Variants in KCNIP1 observed in about 807,000 individuals in gnomAD.
KCNIP1 encodes the protein A-type potassium channel modulatory protein KCNIP1.
KCNIP1 carries 18 observed loss-of-function variants against 33.0 expected under a neutral mutation model. The ratio of observed to expected loss-of-function variants is 0.55; its 90% CI spans 0.38 to 0.81. KCNIP1 has a LOEUF of 0.81. Ranked by LOEUF, KCNIP1 falls within the 30% of genes least tolerant of loss-of-function variation. The probability of loss-of-function intolerance (pLI) is 0.00; values close to 1 mark genes in which losing one functional copy is unlikely to be tolerated. For missense variants in KCNIP1, 238 were observed against 271.6 expected (o/e 0.88, Z 0.87); for synonymous variants, 93 against 98.3 (o/e 0.95, Z 0.32).
intron 1 of KCNIP1, among the ~76,000 whole-genome samples, chr5:170,439,453 T>C (rs1292299965): frequency 6.7e-6 from 1 of 150,360 alleles, no homozygotes; most frequent in Admixed American, 6.6e-5. Context: ...TCCTGCAATG[T>C]GTCAGGAGAG....
At chr5:170,396,463 T>C (rs890484242) in intron 1 of KCNIP1, among the ~76,000 whole-genome samples, 2 of 152,240 alleles carry the variant, frequency 1.3e-5, no homozygotes, top group Non-Finnish European at 2.9e-5. Flanking sequence ...CATGTGTCCA[T>C]GGTGGTTGAA....
At position 170,712,833 on chromosome 5, in the gene KCNIP1, T is replaced by C. The variant is rs1190127079; in HGVS notation, c.62-5925T>C. The C allele has an allele frequency of 3.1e-6, 5 of 1,613,182 alleles. No homozygotes were observed. The African/African-American group carries it at 4.0e-5, about 13-fold the overall frequency. ...TTTTCGATGAATCGATTTGGTAAAA[T>C]GTTTTCTCACTCTTTCCTAGACATC... is the stretch of plus-strand genomic sequence containing the variant. On this transcript the variant is annotated intron_variant, in intron 1 of 7. Coordinates refer to ENST00000328939, the MANE Select transcript of KCNIP1 (RefSeq NM_014592.4).
At chr5:170,474,180 G>C (rs1386269008) in intron 1 of KCNIP1, among the ~76,000 whole-genome samples, 1 of 152,206 alleles carries the variant, frequency 6.6e-6, no homozygotes, top group African/African-American at 2.4e-5. Context: ...GGGCTGCTCA[G>C]AGACAGCTTC....
intron 1 of KCNIP1, among the ~76,000 whole-genome samples, chr5:170,430,552 G>A (rs976063287): frequency 2.0e-5 from 3 of 152,140 alleles, no homozygotes; most frequent in African/African-American, 7.2e-5. Context: ...TATCATACCC[G>A]GTATGGCTAG....
chr5:170,522,959 T>C (rs1387979451), intron 1 of KCNIP1, among the ~76,000 whole-genome samples: 3 of 152,208 alleles, frequency 2.0e-5, no homozygotes, highest in Non-Finnish European at 4.4e-5. Flanking sequence ...GAAATGAGTC[T>C]GACACTCGCC....
rs560467207 is a variant in KCNIP1 at position 170,617,113 on chromosome 5, T to C, written c.62-101645T>C. On this transcript the variant is annotated intron_variant, in intron 1 of 7. Coordinates refer to ENST00000328939, the MANE Select transcript of KCNIP1 (RefSeq NM_014592.4). The stretch of plus-strand genomic sequence containing the variant: ...TGGTACCTAGTGAATGTGTAACAAA[T>C]ATTTTCTCTGAGCTAAAATAGGAAC... Among the ~76,000 whole-genome samples, 6 of 117,654 alleles carry C rather than the reference T, an allele frequency of 5.1e-5. No homozygotes were observed. The South Asian group carries it at 1.6e-3, about 31-fold the overall frequency. The allele number at this position is 117,654 out of a possible 152,430, so 77.2% of individuals were successfully genotyped here.
chr5:170,477,706 T>G (rs1462194943), intron 1 of KCNIP1, among the ~76,000 whole-genome samples: 2 of 152,144 alleles, frequency 1.3e-5, no homozygotes, highest in Admixed American at 1.3e-4. Context: ...CCTCCCAAAG[T>G]GCTGGGATTA....
intron 1 of KCNIP1, among the ~76,000 whole-genome samples, chr5:170,604,802 AAGACAG>A (rs1487617627): frequency 6.6e-6 from 1 of 152,200 alleles, no homozygotes; most frequent in African/African-American, 2.4e-5. Context: ...AACTGCACCC[AAGACAG>A]GTTCAGCCCC....
At chr5:170,508,397 A>C (rs766161797) in intron 1 of KCNIP1, among the ~76,000 whole-genome samples, 1 of 152,192 alleles carries the variant, frequency 6.6e-6, no homozygotes, top group Non-Finnish European at 1.5e-5. Flanking sequence ...ATCAATGAGC[A>C]CCTCAGGGAA....
chr5:170,614,874 C>G (rs1759305692), intron 1 of KCNIP1, among the ~76,000 whole-genome samples: 1 of 152,172 alleles, frequency 6.6e-6, no homozygotes, highest in South Asian at 2.1e-4. Context: ...GTTTACACCC[C>G]CTCTCAGTGC....
At chr5:170,502,953 G>T (rs1029284159), upstream of KCNIP1, among the ~76,000 whole-genome samples, 2 of 152,278 alleles carry the variant, frequency 1.3e-5, no homozygotes, top group Admixed American at 1.3e-4. Flanking sequence ...TGGGTGAGAC[G>T]CCACTCACAG....
chr5:170,658,475 T>C lies in KCNIP1; in HGVS notation c.62-60283T>C, dbSNP rs149132746. ...GGTCCTACCTCGCAATACTGCCACATTGGAGATTGAGTTTCAACATGAGTT... is the reference window on the plus strand; with the variant it reads ...GGTCCTACCTCGCAATACTGCCACACTGGAGATTGAGTTTCAACATGAGTT... On this transcript the variant is annotated intron_variant, in intron 1 of 7. Transcript: ENST00000328939. Among the ~76,000 whole-genome samples, 23 of 152,320 alleles carry C rather than the reference T, an allele frequency of 1.5e-4. No homozygotes were observed. In the East Asian group the frequency reaches 4.2e-3, roughly 28 times the overall value.
At chr5:170,466,965 G>C (rs1020215566) in intron 1 of KCNIP1, among the ~76,000 whole-genome samples, 7 of 152,178 alleles carry the variant, frequency 4.6e-5, no homozygotes, top group Admixed American at 4.6e-4. Flanking sequence ...GGAGTACAAT[G>C]TCTCAAATAA....
At position 170,721,910 on chromosome 5, in the gene KCNIP1, T is replaced by A. The variant is rs1238441014; in HGVS notation, c.327+7T>A. 6.8e-6 allele frequency: 11 copies of A among 1,614,038 alleles called. No individual in the cohort carries two copies. The highest frequency in any genetic ancestry group is 9.3e-6 in the Non-Finnish European group (11 of 1,179,974). ...AGGCTCCGTGAAGTTCGAGGTACGC[T>A]CATCTGGGGTCCACTCTAGGGGTCC... On this transcript the variant is annotated splice_region_variant and intron_variant, in intron 4 of 7. Transcript: ENST00000328939.
intron 1 of KCNIP1, among the ~76,000 whole-genome samples, chr5:170,636,126 G>T (rs374772265): frequency 2.6e-5 from 4 of 152,234 alleles, no homozygotes; most frequent in African/African-American, 9.6e-5. Flanking sequence ...CTGAGAGTTT[G>T]TTGTATTAGA....
intron 1 of KCNIP1, among the ~76,000 whole-genome samples, chr5:170,712,168 T>G (rs1763470932): frequency 6.6e-6 from 1 of 152,200 alleles, no homozygotes; most frequent in Admixed American, 6.5e-5. Flanking sequence ...TTGTCTTGTA[T>G]TTTATATTCT....
At chr5:170,578,184 G>C (rs888903348) in intron 1 of KCNIP1, among the ~76,000 whole-genome samples, 2 of 152,232 alleles carry the variant, frequency 1.3e-5, no homozygotes, top group African/African-American at 2.4e-5. Context: ...GAGTGAGAAG[G>C]GGGGAAAGAA....
chr5:170,500,764 A>G (rs1260720337), upstream of KCNIP1, among the ~76,000 whole-genome samples: 3 of 152,210 alleles, frequency 2.0e-5, no homozygotes, highest in African/African-American at 7.2e-5. Flanking sequence ...ATCTGCAAAT[A>G]ATACCCATGT....
In KCNIP1 at chr5:170,523,927, G is replaced by A. The variant is rs377357176; in HGVS notation, c.61+19294G>A. 5.9e-5 allele frequency among the ~76,000 whole-genome samples: 9 copies of A among 152,218 alleles called. No individual in the cohort carries two copies. In the South Asian group the frequency reaches 1.7e-3, roughly 28 times the overall value. ...ACCTGCTAGTCCTTTCCCACTCCCTGTGCACCATCCGAAGCCAGGTCATGT... is the reference window on the plus strand; with the variant it reads ...ACCTGCTAGTCCTTTCCCACTCCCTATGCACCATCCGAAGCCAGGTCATGT... On this transcript the variant is annotated intron_variant, in intron 1 of 7. Coordinates refer to ENST00000328939, the MANE Select transcript of KCNIP1 (RefSeq NM_014592.4).
Sources: allele counts gnomAD v4.1 joint callset (sites outside exome capture counted in the v4.1 genomes callset), GRCh38; gene constraint gnomAD v4.1.1; transcripts MANE v1.5; gene names NCBI Gene and HGNC (gene_info 2026-07-23, HGNC 2026-07-21).